Variants in WDR4 observed in about 807,000 individuals in gnomAD.
The protein encoded by WDR4 is WDR4 tRNA N7-guanosine methyltransferase non-catalytic subunit.
Under a neutral mutation model 48.6 loss-of-function variants are expected in WDR4, and 47 were observed. The observed-to-expected ratio is 0.97, with a 90% CI of 0.77 to 1.23. The LOEUF (loss-of-function observed/expected upper bound fraction) is 1.23, where lower values mean the gene tolerates loss of function less well. Among genes scored for constraint, WDR4 ranks in the 50% most tolerant of loss-of-function variants. WDR4 has a pLI of 0.00. For missense variants in WDR4, 606 were observed against 551.6 expected (o/e 1.10, Z -0.99); for synonymous variants, 268 against 230.0 (o/e 1.17, Z -1.49).
At chr21:42,881,651 T>C (rs936716876), upstream of WDR4, among the ~76,000 whole-genome samples, 6 of 152,186 alleles carry the variant, frequency 3.9e-5, no homozygotes, top group Non-Finnish European at 8.8e-5. Context: ...CAGTGTTCAC[T>C]ACCAGTTTCC....
the WDR4 span, among the ~76,000 whole-genome samples, chr21:42,886,593 G>C: frequency 9.1e-3 from 1,386 of 152,324 alleles, 6 homozygotes; most frequent in Middle Eastern, 0.02. Flanking sequence ...CCACCACTTT[G>C]CCAGCGTAAG....
the WDR4 span, among the ~76,000 whole-genome samples, chr21:42,891,821 G>T: frequency 1.3e-5 from 2 of 152,052 alleles, no homozygotes; most frequent in African/African-American, 4.8e-5. Flanking sequence ...GCCGGGCGTG[G>T]TGGCTCATGC....
chr21:42,852,346 T>A, intron 9 of WDR4, 22 bp from the exon 10 acceptor site: 1 of 1,612,956 alleles, frequency 6.2e-7, no homozygotes, highest in Non-Finnish European at 8.5e-7. Context: ...AAACAGGAAA[T>A]CTTCATCAGA....
intron 1 of WDR4, chr21:42,879,110 G>A (rs374544028): frequency 8.3e-7 from 1 of 1,203,372 alleles, no homozygotes; most frequent in East Asian, 3.8e-5. Flanking sequence ...GCGCCGCGGA[G>A]ACCGGAAGCG....
At chr21:42,861,712 C>T (rs2058120760) in intron 5 of WDR4, among the ~76,000 whole-genome samples, 1 of 152,224 alleles carries the variant, frequency 6.6e-6, no homozygotes, top group Non-Finnish European at 1.5e-5. Flanking sequence ...TTCCTCCCTC[C>T]AATTTCTTCC....
chr21:42,843,271 C>T (rs1436976823), exon 12 of WDR4: 2 of 152,018 alleles, frequency 1.3e-5, no homozygotes, highest in Non-Finnish European at 2.9e-5. Context: ...CCACAGTCGA[C>T]AGAAACAGAC....
intron 8 of WDR4, 77 bp downstream of exon 8, chr21:42,854,485 G>A (rs766595772): frequency 4.4e-5 from 65 of 1,468,200 alleles, no homozygotes; most frequent in Non-Finnish European, 5.7e-5. Context: ...GAGGACGTGG[G>A]CCAGTGGCCA....
In WDR4 at chr21:42,854,531, C is replaced by T. The variant is rs376829512; in HGVS notation, c.791+31G>A. ...TCTTCCCCCTGCAGGTCTGCAGAAC[C>T]GGAGGCCATAGAGGTGCCGCCGCAG... On this transcript the variant is annotated intron_variant, in intron 8 of 10. Coordinates refer to ENST00000398208, the MANE Select transcript of WDR4 (RefSeq NM_018669.6). 199 of 1,604,034 alleles carry T rather than the reference C, an allele frequency of 1.2e-4. 2 individuals carry two copies. The highest frequency in any genetic ancestry group is 4.6e-4 in the South Asian group (41 of 89,528).
chr21:42,875,547 C>G (rs866973555), intron 2 of WDR4, among the ~76,000 whole-genome samples: 1 of 152,072 alleles, frequency 6.6e-6, no homozygotes. Context: ...GGGCAAGACT[C>G]CATCTCAAAA....
chr21:42,866,180 T>C (rs946747722), intron 3 of WDR4, among the ~76,000 whole-genome samples: 1 of 152,132 alleles, frequency 6.6e-6, no homozygotes, highest in African/African-American at 2.4e-5. Context: ...CATCTTCGGC[T>C]TGGAAAACCT....
rs2057760355 is a variant in WDR4 at position 42,849,430 on chromosome 21, A to G, written c.*619T>C. ...GCCCGTGCTCACACTTCCTGAAACA[A>G]GTTCACCATCTGTGCCACCGATGCC... On this transcript the variant is annotated 3_prime_UTR_variant, in exon 11 of 11. Transcript: ENST00000398208. The G allele has an allele frequency of 6.6e-6, 1 of 152,262 alleles. No homozygotes were observed. The highest frequency in any genetic ancestry group is 1.5e-5 in the Non-Finnish European group (1 of 68,094). The allele number at this position is 152,262 out of a possible 1,614,324, so 9.4% of individuals were successfully genotyped here.
downstream of WDR4, among the ~76,000 whole-genome samples, chr21:42,846,458 G>A (rs961422536): frequency 3.5e-4 from 53 of 152,330 alleles, 1 homozygote; most frequent in Admixed American, 1.2e-3. Flanking sequence ...CCTGCTTCTC[G>A]TGGGTAGTCA....
At chr21:42,872,543 G>A (rs937877357) in intron 3 of WDR4, among the ~76,000 whole-genome samples, 2 of 151,356 alleles carry the variant, frequency 1.3e-5, no homozygotes, top group African/African-American at 2.4e-5. Flanking sequence ...ACTGGGAGGC[G>A]GAGGCTGTAG....
At chr21:42,876,214 T>A (rs9975181) in intron 2 of WDR4, among the ~76,000 whole-genome samples, 1 of 134,070 alleles carries the variant, frequency 7.5e-6, no homozygotes, top group African/African-American at 2.8e-5. Context: ...ACTAACACTG[T>A]ACTCTTTTTT....
rs146503711 is a variant in WDR4 at position 42,850,132 on chromosome 21, T to G, written c.1156A>C (p.Lys386Gln). The G allele has an allele frequency of 1.5e-4, 248 of 1,614,092 alleles. 1 individual carries two copies. Among genetic ancestry groups the G allele is most frequent in the Middle Eastern group, 1.3e-3 (8 of 6,058 alleles). ...EERLQQQLEK[K>Q]QRRRSPPPGP... ...GGCGGGGGACTCCGGCGCCGCTGCT[T>G]CTTCTCTAGCTGCTGCTGCAGTCTC... The change falls in exon 11 of 11, where the codon AAG (lysine) becomes CAG (glutamine). Residue 386 changes from lysine to glutamine, a missense_variant. Lys to Gln is a moderately conservative substitution (Grantham distance 53, BLOSUM62 1). Transcript: ENST00000398208.
chr21:42,883,148 G>A (rs2058619531), upstream of WDR4, among the ~76,000 whole-genome samples: 1 of 149,834 alleles, frequency 6.7e-6, no homozygotes, highest in Non-Finnish European at 1.5e-5. Flanking sequence ...GGTGGTGCGT[G>A]CCTGTAGTCC....
Position 42,853,582 on chromosome 21 carries a change from C to A in WDR4, c.962G>T (p.Gly321Val). The change falls in exon 9 of 11, where the codon GGC (glycine) becomes GTC (valine). Residue 321 changes from glycine to valine, a missense_variant. Coordinates refer to ENST00000398208, the MANE Select transcript of WDR4 (RefSeq NM_018669.6). ...GCCGAGTCTCACCTGCCACTGGTCG[C>A]CCACAGGCCTGTAGAGCACCAGGGG... ...EAPLVLYRPV[G>V]DQWQSVPEST... 5 of 1,609,994 alleles carry A rather than the reference C, an allele frequency of 3.1e-6. No individual in the cohort carries two copies. In the East Asian group the frequency reaches 1.1e-4, roughly 36 times the overall value.
At chr21:42,885,693 T>A in the WDR4 span, among the ~76,000 whole-genome samples, 3 of 152,178 alleles carry the variant, frequency 2.0e-5, no homozygotes, top group Non-Finnish European at 4.4e-5. Context: ...AGAATGTAAT[T>A]GAATGTATTT....
In WDR4 at chr21:42,859,668, G is replaced by A. The variant is rs991162700; in HGVS notation, c.621C>T (p.Ser207=). ...VPTQPGLLLS[S]SGDGTLRLWE... is the part of the protein sequence containing the mutation. The stretch of plus-strand genomic sequence containing the variant: ...CGCTGGGCAGAACACTTACCCCAGA[G>A]GAGGACAGAAGCAGCCCGGGCTGAG... Residue 207 remains serine, a synonymous_variant, in exon 6 of 11, where the codon TCC becomes TCT. Coordinates refer to ENST00000398208, the MANE Select transcript of WDR4 (RefSeq NM_018669.6). 2.2e-5 allele frequency: 33 copies of A among 1,471,290 alleles called. No homozygotes were observed. In the Admixed American group the frequency reaches 6.7e-4, roughly 30 times the overall value. 91.1% of individuals were successfully genotyped at this position (1,471,290 alleles called of 1,614,324 possible).
Sources: allele counts gnomAD v4.1 joint callset (sites outside exome capture counted in the v4.1 genomes callset), GRCh38; gene constraint gnomAD v4.1.1; transcripts MANE v1.5; gene names NCBI Gene and HGNC (gene_info 2026-07-23, HGNC 2026-07-21).